Variants in TENM1 observed in about 807,000 individuals in gnomAD.
The protein encoded by TENM1 is teneurin transmembrane protein 1.
A neutral mutation model predicts 174.8 loss-of-function variants in TENM1; 35 were observed. The ratio of observed to expected loss-of-function variants is 0.20; its 90% CI spans 0.15 to 0.27. TENM1 has a LOEUF of 0.27. Among genes scored for constraint, TENM1 ranks in the 10% least tolerant of loss-of-function variants. TENM1 has a pLI of 1.00. For synonymous variants in TENM1, 781 were observed against 798.7 expected (o/e 0.98, Z 0.37); for missense variants, 1,633 against 2,130.1 (o/e 0.77, Z 4.59).
At chrX:124,439,127 T>G (rs192097715) in intron 23 of TENM1, among the ~76,000 whole-genome samples, 4 of 112,221 alleles carry the variant, frequency 3.6e-5, no homozygotes, top group African/African-American at 1.3e-4. Flanking sequence ...TTATGATATA[T>G]CAGCTTCTTT....
chrX:124,471,624 G>GATTAATATATAT (rs1260014988), intron 22 of TENM1, among the ~76,000 whole-genome samples: 2 of 75,452 alleles, frequency 2.7e-5, no homozygotes, highest in East Asian at 7.8e-4. Flanking sequence ...ATATAATATA[G>GATTAATATATAT]ATTAATATAT....
At chrX:124,982,933 C>T in the TENM1 span, among the ~76,000 whole-genome samples, 86 of 112,012 alleles carry the variant, frequency 7.7e-4, no homozygotes, top group African/African-American at 2.5e-3. Flanking sequence ...AGAGTGAGCT[C>T]GGTTCTACTA....
intron 11 of TENM1, among the ~76,000 whole-genome samples, chrX:124,619,395 A>G (rs1248046660): frequency 8.9e-6 from 1 of 112,235 alleles, no homozygotes; most frequent in Non-Finnish European, 1.9e-5. Flanking sequence ...ACATATTGTT[A>G]AGTCCATATA....
chrX:125,196,208 C>T, the TENM1 span, among the ~76,000 whole-genome samples: 1 of 106,204 alleles, frequency 9.4e-6, no homozygotes, highest in African/African-American at 3.4e-5. Flanking sequence ...AAAAAAGTTT[C>T]TTTTTTTTTT....
At chrX:125,201,358 A>C in the TENM1 span, among the ~76,000 whole-genome samples, 1 of 112,421 alleles carries the variant, frequency 8.9e-6, no homozygotes, top group African/African-American at 3.2e-5. Context: ...AAACGTTTGA[A>C]TATTTGAAAT....
chrX:124,428,488 A>G, intron 23 of TENM1, among the ~76,000 whole-genome samples: 1 of 112,208 alleles, frequency 8.9e-6, no homozygotes, highest in Non-Finnish European at 1.9e-5. Context: ...CACCATTTGT[A>G]TACTTGGGCT....
At chrX:125,000,774 T>C in the TENM1 span, among the ~76,000 whole-genome samples, 1 of 111,416 alleles carries the variant, frequency 9.0e-6, no homozygotes, top group Non-Finnish European at 1.9e-5. Flanking sequence ...TCTTCTGAAA[T>C]AAAATCCTTC....
chrX:125,128,862 C>T, the TENM1 span, among the ~76,000 whole-genome samples: 2 of 111,602 alleles, frequency 1.8e-5, no homozygotes, highest in Non-Finnish European at 3.8e-5. Flanking sequence ...TGTGCTGATG[C>T]TGTTGGTGTT....
intron 3 of TENM1, among the ~76,000 whole-genome samples, chrX:124,880,482 G>A (rs992799929): frequency 1.8e-5 from 2 of 111,816 alleles, no homozygotes; most frequent in Non-Finnish European, 3.8e-5. Context: ...CAGAACATTT[G>A]ACTACTTCTT....
chrX:124,410,501 G>A (rs775274634), intron 25 of TENM1, among the ~76,000 whole-genome samples: 15 of 111,481 alleles, frequency 1.3e-4, no homozygotes, highest in African/African-American at 4.6e-4. Context: ...CAATGGCAAC[G>A]AAAGCCAAAA....
chrX:124,522,523 C>T (rs1176521471), intron 17 of TENM1, among the ~76,000 whole-genome samples: 1 of 108,206 alleles, frequency 9.2e-6, no homozygotes, highest in Non-Finnish European at 1.9e-5. Context: ...AATGTCTTCT[C>T]CTGACTATAA....
chrX:125,055,804 C>T, the TENM1 span, among the ~76,000 whole-genome samples: 4 of 111,245 alleles, frequency 3.6e-5, no homozygotes, highest in South Asian at 3.8e-4. Flanking sequence ...CGTTGTGTTG[C>T]TATGTATCTT....
At chrX:124,560,863 T>C (rs1299065576) in intron 14 of TENM1, among the ~76,000 whole-genome samples, 1 of 111,590 alleles carries the variant, frequency 9.0e-6, no homozygotes, top group Non-Finnish European at 1.9e-5. Context: ...GTAGAAGGTA[T>C]GTGGAAAGTG....
intron 9 of TENM1, 44 bp from the exon 13 acceptor site, chrX:124,645,381 C>T (rs1239055593): frequency 9.0e-7 from 1 of 1,116,136 alleles, no homozygotes; most frequent in East Asian, 3.1e-5. Flanking sequence ...ATAATGCTTT[C>T]AAAGTCTCCA....
the TENM1 span, among the ~76,000 whole-genome samples, chrX:125,080,111 C>T: frequency 9.0e-6 from 1 of 111,318 alleles, no homozygotes; most frequent in Non-Finnish European, 1.9e-5. Flanking sequence ...CCAGCATCAG[C>T]ATCACCTGGA....
At chrX:124,465,122 T>C (rs190921689) in intron 22 of TENM1, among the ~76,000 whole-genome samples, 10 of 112,422 alleles carry the variant, frequency 8.9e-5, no homozygotes, top group Admixed American at 7.5e-4. Context: ...CTTTGTCTAA[T>C]AGTGAGTAGA....
the TENM1 span, among the ~76,000 whole-genome samples, chrX:125,105,144 G>A: frequency 9.0e-6 from 1 of 111,706 alleles, no homozygotes; most frequent in African/African-American, 3.3e-5. Flanking sequence ...GAACTGGAAA[G>A]CACGGTACAA....
Position 124,450,140 on chromosome X carries a change from A to G in TENM1, c.4104+3197T>C, listed in dbSNP as rs773058712. On this transcript the variant is annotated intron_variant, in intron 23 of 31. Transcript: ENST00000422452. Reference sequence around the variant, plus strand: ...TAGTGCATGAGTCTCACGAGATCTGATGGTTTTAAAAATGGGAGTTTTCCC... The same window carrying G: ...TAGTGCATGAGTCTCACGAGATCTGGTGGTTTTAAAAATGGGAGTTTTCCC... Among the ~76,000 whole-genome samples, 16 of 110,301 alleles carry G rather than the reference A, an allele frequency of 1.5e-4. No homozygotes were observed. In the South Asian group the frequency reaches 6.3e-3, roughly 44 times the overall value.
rs760315805 is a variant in TENM1 at position 124,827,775 on chromosome X, A to C, written c.535+66521T>G. ...CAAGAAGAGCATAGTTATAATGCCA[A>C]GTCAGAGCTTCATAGCTTTACTGCA... On this transcript the variant is annotated intron_variant, in intron 3 of 31. Coordinates refer to ENST00000422452, the Ensembl canonical transcript of TENM1. Among the ~76,000 whole-genome samples the C allele has an allele frequency of 9.8e-5, 11 of 112,322 alleles. No individual in the cohort carries two copies. The South Asian group carries it at 4.1e-3, about 42-fold the overall frequency.
Sources: gnomAD v4.1 joint callset for allele counts (sites outside exome capture counted in the v4.1 genomes callset) on GRCh38, gnomAD v4.1.1 for gene constraint, MANE v1.5 for transcripts, NCBI Gene and HGNC (gene_info 2026-07-23, HGNC 2026-07-21) for gene names.